The following MUC6 variants were observed in gnomAD, a reference collection of about 807,000 sequenced individuals.
MUC6 encodes the protein mucin-6.
In MUC6, 188 loss-of-function variants were observed where a neutral mutation model predicts 201.5. The observed-to-expected ratio is 0.93, with a 90% CI of 0.83 to 1.05. The LOEUF is 1.05. Among genes scored for constraint, MUC6 ranks in the 50% least tolerant of loss-of-function variants. The pLI is 0.00. For synonymous variants in MUC6, 1,228 were observed against 1,389.4 expected (o/e 0.88, Z 2.58); for missense variants, 2,706 against 3,256.9 (o/e 0.83, Z 4.12).
chr11:1,020,862 G>T, intron 27 of MUC6, 128 bp from the exon 28 acceptor site: 1 of 1,216,532 alleles, frequency 8.2e-7, no homozygotes, highest in Non-Finnish European at 1.2e-6. Context: ...TGGAGGGGCT[G>T]GGAGCCCACC....
At chr11:1,021,319 G>C in intron 26 of MUC6, 42 bp from the exon 27 acceptor site, 1 of 1,400,526 alleles carries the variant, frequency 7.1e-7, no homozygotes, top group Non-Finnish European at 9.5e-7. Context: ...CTGGTGGCCA[G>C]CCAGGCCCAC....
In MUC6 at chr11:1,028,675, A is replaced by G. The variant is rs1481752138; in HGVS notation, c.1562T>C (p.Val521Ala). ...GGTCTGACCTCTGAACTGGGGCCCA[A>G]CAGTGACATAGGCCTGGAAGATGGG... is the stretch of plus-strand genomic sequence containing the variant. Reference protein sequence around the residue: ...LRPIFQAYVTVGPQFRGQTRG... With the variant: ...LRPIFQAYVTAGPQFRGQTRG... Residue 521 changes from valine to alanine, a missense_variant, in exon 13 of 33, where the codon GTT (valine) becomes GCT (alanine). Coordinates refer to ENST00000421673, the MANE Select transcript of MUC6 (RefSeq NM_005961.3). 1.7e-5 allele frequency: 27 copies of G among 1,610,152 alleles called. No individual in the cohort carries two copies. Among genetic ancestry groups the G allele is most frequent in the Non-Finnish European group, 2.2e-5 (26 of 1,178,888 alleles).
chr11:1,016,214 G>A lies in MUC6; in HGVS notation c.6587C>T (p.Pro2196Leu). ...GGCAGCTGGAGAAGAAGGAAAAAGA[G>A]GAGATGCAGACACTGATGCAGTCGT... ...HPTTASVSAS[P>L]LFPSSPAAST... Residue 2196 changes from proline (P) to leucine (L), a missense_variant, in exon 31 of 33, where the codon CCT (proline) becomes CTT (leucine). This residue lies in a region of MUC6 where 586 missense variants were observed against 488.0 expected (regional missense o/e 1.20). Transcript: ENST00000421673. 6.2e-7 allele frequency: 1 copy of A among 1,613,288 alleles called. No homozygotes were observed. Among genetic ancestry groups the A allele is most frequent in the South Asian group, 1.1e-5 (1 of 91,022 alleles).
intron 28 of MUC6, 50 bp from the exon 29 acceptor site, chr11:1,020,307 G>A: frequency 6.4e-7 from 1 of 1,551,190 alleles, no homozygotes. Context: ...GCATATCCTT[G>A]GGGAGCACCC....
chr11:1,035,132 CA>C (rs992526584), intron 1 of MUC6, among the ~76,000 whole-genome samples: 10 of 152,264 alleles, frequency 6.6e-5, no homozygotes, highest in Non-Finnish European at 1.5e-4. Context: ...CCCAGGCCTG[CA>C]GCCCGTCTGT....
chr11:1,023,464 A>G (rs1410747833), intron 26 of MUC6, 45 bp downstream of exon 26: 4 of 1,541,178 alleles, frequency 2.6e-6, no homozygotes, highest in African/African-American at 1.4e-5. Flanking sequence ...GAATGAGTGA[A>G]TGGGTCCCCC....
rs537983813 is a variant in MUC6 at position 1,033,161 on chromosome 11, C to T, written c.53-86G>A. ...CACCTCTGCTCAGGGCTGCTCCGCC[C>T]GTTTCCCTGCACACACTCGGCGTGC... On this transcript the variant is annotated intron_variant, in intron 1 of 32. Transcript: ENST00000421673. This position sits in a 1 kb window ranked among gnomAD's most constrained non-coding sequence, Gnocchi z 5.6. 138 of 1,335,916 alleles carry T rather than the reference C, an allele frequency of 1.0e-4. No individual in the cohort carries two copies. Among genetic ancestry groups the T allele is most frequent in the East Asian group, 7.0e-4 (30 of 43,074 alleles). The allele number at this position is 1,335,916 out of a possible 1,614,324, so 82.8% of individuals were successfully genotyped here.
At position 1,013,217 on chromosome 11, in the gene MUC6, C is replaced by G; in HGVS notation, c.*239G>C. On this transcript the variant is annotated 3_prime_UTR_variant, in exon 33 of 33. Transcript: ENST00000421673. ...CCTGTGTGCCTGGGAGGTCCGTGAC[C>G]ACTGTCCGCCTCAGTCCCTCTCTGC... 1.8e-6 allele frequency: 1 copy of G among 556,384 alleles called. No homozygotes were observed. The highest frequency in any genetic ancestry group is 3.2e-6 in the Non-Finnish European group (1 of 317,084). 34.5% of individuals were successfully genotyped at this position (556,384 alleles called of 1,614,324 possible). A position where few individuals can be genotyped will look rare whatever the true frequency, so the allele number is the denominator to read the frequency against.
chr11:1,021,122 C>T (rs1028000804), intron 27 of MUC6, 93 bp downstream of exon 27: 143 of 1,269,656 alleles, frequency 1.1e-4, no homozygotes, highest in Non-Finnish European at 1.3e-4. Context: ...TCACAGCCCC[C>T]GAGGGCTCTC....
rs760519100 is a variant in MUC6 at position 1,024,903 on chromosome 11, A to T, written c.3166T>A (p.Trp1056Arg). Residue 1056 changes from tryptophan to arginine, a missense_variant, in exon 24 of 33, where the codon TGG becomes AGG. By Grantham distance (101) the Trp-to-Arg change is moderately radical (BLOSUM62 -3). Around this residue, in one of 10 missense-constraint regions of MUC6, gnomAD observed 1,850 missense variants for 1,958.3 expected, o/e 0.94. Transcript: ENST00000421673. Reference protein sequence around the residue: ...PCSLNAFRRSWAERKCSVINS... With the variant: ...PCSLNAFRRSRAERKCSVINS... ...ATGACGCTGCACTTGCGCTCGGCCC[A>T]GGAGCGCCGGAAGGCATTGAGACTG... 6.2e-7 allele frequency: 1 copy of T among 1,612,778 alleles called. No homozygotes were observed. Among genetic ancestry groups the T allele is most frequent in the Non-Finnish European group, 8.5e-7 (1 of 1,179,876 alleles).
rs1856894892 is a variant in MUC6 at position 1,024,216 on chromosome 11, C to T, written c.3226-113G>A. The T allele has an allele frequency of 4.7e-6, 6 of 1,268,846 alleles. No homozygotes were observed. In the African/African-American group the frequency reaches 7.4e-5, roughly 16 times the overall value. 78.6% of individuals were successfully genotyped at this position (1,268,846 alleles called of 1,614,324 possible). On this transcript the variant is annotated intron_variant, in intron 24 of 32. Coordinates refer to ENST00000421673, the MANE Select transcript of MUC6 (RefSeq NM_005961.3). ...AGGCCGGAGTGTGGCGGTAAGGGCG[C>T]TGGGACTGGGTGAGCGGCACCACGT...
Position 1,024,024 on chromosome 11 carries a change from CACAG to C in MUC6, c.3301_3304del (p.Leu1101AlafsTer122). 1.9e-6 allele frequency: 3 copies of C among 1,611,458 alleles called. No homozygotes were observed. The highest frequency in any genetic ancestry group is 4.5e-5 in the East Asian group (2 of 44,852). ...TTGGGCGTAGGCAGCCACGGCATCG[CACAG>C]ACACTCACAGTCCCCGCCACTGTCA... On this transcript the variant is annotated frameshift_variant, in exon 25 of 33. Transcript: ENST00000421673. LOFTEE classifies it high-confidence loss of function.
In MUC6 at chr11:1,018,704, G is replaced by T. The variant is rs1437194629; in HGVS notation, c.4097C>A (p.Pro1366Gln). ...ATQTTGPRPT[P>Q]ASTTGPTTPQ... is the part of the protein sequence containing the mutation. ...GGTGGTTGGGCCTGTGGTGCTTGCT[G>T]GGGTTGGACGTGGGCCTGTCGTCTG... Residue 1366 changes from proline (P) to glutamine (Q), a missense_variant, in exon 31 of 33, where the codon CCA becomes CAA. By Grantham distance (76) the Pro-to-Gln change is moderately conservative. Coordinates refer to ENST00000421673, the MANE Select transcript of MUC6 (RefSeq NM_005961.3). 3.7e-6 allele frequency: 6 copies of T among 1,605,624 alleles called. No homozygotes were observed. In the Admixed American group the frequency reaches 6.9e-5, roughly 18 times the overall value.
chr11:1,032,591 G>C (rs1236101044), intron 2 of MUC6, among the ~76,000 whole-genome samples: 2 of 151,594 alleles, frequency 1.3e-5, no homozygotes, highest in Non-Finnish European at 2.9e-5. Flanking sequence ...TGTGTGTGTT[G>C]GGTGCGTGCA....
In MUC6 at chr11:1,031,248, C is replaced by T; in HGVS notation, c.495G>A (p.Glu165=). 6.4e-7 allele frequency: 1 copy of T among 1,574,260 alleles called. No individual in the cohort carries two copies. The highest frequency in any genetic ancestry group is 8.6e-7 in the Non-Finnish European group (1 of 1,160,508). Residue 165 remains glutamate, a synonymous_variant, in exon 5 of 33, where the codon GAG becomes GAA. Transcript: ENST00000421673. ...GPDSHLMVLV[E]RKYMGQMCGL... ...CGCACATCTGACCCATGTACTTCCG[C>T]TCCACCAGAACCTGCGGGAGACGGC...
At chr11:1,028,613 G>A (rs906411878) in intron 13 of MUC6, 33 bp downstream of exon 13, 1 of 1,598,268 alleles carries the variant, frequency 6.3e-7, no homozygotes, top group Non-Finnish European at 8.5e-7. Context: ...TAGGGATGAG[G>A]CAACAGGGCC....
chr11:1,034,977 C>T (rs116606332), intron 1 of MUC6, among the ~76,000 whole-genome samples: 2,932 of 152,362 alleles, frequency 0.019, 109 homozygotes, highest in African/African-American at 0.067. Flanking sequence ...CTCGGCTGAT[C>T]CCTTGGCCAG....
Position 1,030,595 on chromosome 11 carries a change from G to A in MUC6, c.870C>T (p.Arg290=). Reference sequence around the variant, plus strand: ...CACAGCACAGGCCGGGGCTCCGCCAGCGGCGGACCGGCTGGCCCACCATGC... The same window carrying A: ...CACAGCACAGGCCGGGGCTCCGCCAACGGCGGACCGGCTGGCCCACCATGC... ...QCSMVGQPVR[R]WRSPGLCSVG... is the part of the protein sequence containing the mutation. The change falls in exon 7 of 33, where the codon CGC becomes CGT. Residue 290 remains arginine (R), a synonymous_variant. Coordinates refer to ENST00000421673, the MANE Select transcript of MUC6 (RefSeq NM_005961.3). The A allele has an allele frequency of 6.5e-7, 1 of 1,527,998 alleles. No homozygotes were observed. The allele number at this position is 1,527,998 out of a possible 1,614,324, so 94.7% of individuals were successfully genotyped here.
At position 1,031,667 on chromosome 11, in the gene MUC6, C is replaced by T; in HGVS notation, c.423G>A (p.Leu141=). ...QITPFGQSVR[L]VAKQLELELE... Reference sequence around the variant, plus strand: ...GCTCCAGCTCCAGCTGCTTGGCCACCAGCCGCACGCTCTGGCCGAAGGGTG... The same window carrying T: ...GCTCCAGCTCCAGCTGCTTGGCCACTAGCCGCACGCTCTGGCCGAAGGGTG... Residue 141 remains leucine, a synonymous_variant, in exon 4 of 33, where the codon CTG becomes CTA. Transcript: ENST00000421673. The T allele has an allele frequency of 6.4e-7, 1 of 1,550,880 alleles. No individual in the cohort carries two copies. Among genetic ancestry groups the T allele is most frequent in the South Asian group, 1.2e-5 (1 of 84,056 alleles).
Sources: allele counts gnomAD v4.1 joint callset (sites outside exome capture counted in the v4.1 genomes callset), GRCh38; gene constraint gnomAD v4.1.1; regional missense constraint gnomAD v4.1.1; non-coding constraint Gnocchi (gnomAD v3.1); transcripts MANE v1.5; gene names NCBI Gene and HGNC (gene_info 2026-07-23, HGNC 2026-07-21).